Variants in CDH10 observed in about 807,000 individuals in gnomAD.
CDH10 encodes cadherin-10.
Under a neutral mutation model 73.1 loss-of-function variants are expected in CDH10, and 30 were observed. That is an observed-to-expected ratio of 0.41 (90% confidence interval 0.31 to 0.56). The LOEUF (loss-of-function observed/expected upper bound fraction) is 0.56, where lower values mean the gene tolerates loss of function less well. CDH10 is among the 20% of genes least tolerant of loss of function. The probability of loss-of-function intolerance (pLI) is 0.27; values close to 1 mark genes in which losing one functional copy is unlikely to be tolerated. For missense variants in CDH10, 815 were observed against 973.7 expected, an observed-to-expected ratio of 0.84 and a Z score of 2.17; for synonymous variants, 345 against 348.2, an observed-to-expected ratio of 0.99 and a Z score of 0.10.
chr5:24,567,564 G>T (rs1204132123), intron 2 of CDH10, among the ~76,000 whole-genome samples: 1 of 151,648 alleles, frequency 6.6e-6, no homozygotes, highest in East Asian at 1.9e-4. Flanking sequence ...TGCTCCAAAG[G>T]TCCATTTAAA....
chr5:24,557,218 A>G (rs10473696), intron 2 of CDH10, among the ~76,000 whole-genome samples: 66,479 of 151,354 alleles, frequency 0.44, 16,383 homozygotes, highest in African/African-American at 0.68. Context: ...ACTTACTATA[A>G]TTTAGATTAT....
intron 2 of CDH10, among the ~76,000 whole-genome samples, chr5:24,549,507 C>G (rs10942055): frequency 1.3e-5 from 2 of 150,604 alleles, no homozygotes; most frequent in African/African-American, 4.9e-5. Context: ...GGTAATAGTT[C>G]GTGTTTCAGT....
intron 1 of CDH10, among the ~76,000 whole-genome samples, chr5:24,633,055 T>C (rs1747755644): frequency 6.6e-6 from 1 of 151,878 alleles, no homozygotes; most frequent in Non-Finnish European, 1.5e-5. Flanking sequence ...TCCTATGAGC[T>C]ATATACAAAG....
rs1579466529 is a variant in CDH10, at chr5:24,607,953, G to A, written c.-123-14340C>T. Among the ~76,000 whole-genome samples, 6 of 152,042 alleles carry A rather than the reference G, an allele frequency of 3.9e-5. 1 individual carries two copies. The highest frequency in any genetic ancestry group is 3.9e-4 in the Admixed American group (6 of 15,256). ...AGGCCCTCTATTTTTTGTTTAATTT[G>A]ACAGCATCAACCTAGCCATTTTGAC... is the stretch of plus-strand genomic sequence containing the variant. On this transcript the variant is annotated intron_variant, in intron 1 of 11. Coordinates refer to ENST00000264463, the MANE Select transcript of CDH10 (RefSeq NM_006727.5).
chr5:24,498,555 T>A (rs2111686276), intron 8 of CDH10, 36 bp from the exon 9 acceptor site: 1 of 1,519,602 alleles, frequency 6.6e-7, no homozygotes, highest in Middle Eastern at 1.7e-4. Context: ...TTTAGGAAGA[T>A]AAATTGGTGC....
chr5:24,643,542 A>G (rs983736358), intron 1 of CDH10, among the ~76,000 whole-genome samples: 8 of 147,970 alleles, frequency 5.4e-5, no homozygotes, highest in African/African-American at 1.7e-4. Context: ...AAAAAAAAAA[A>G]GAGGAGAAAA....
At chr5:24,512,945 T>G (rs1742973507) in intron 5 of CDH10, among the ~76,000 whole-genome samples, 2 of 152,166 alleles carry the variant, frequency 1.3e-5, no homozygotes, top group Non-Finnish European at 2.9e-5. Flanking sequence ...TTCAAAGTTT[T>G]CTAGGCAAAA....
chr5:24,561,760 T>C (rs1464120425), intron 2 of CDH10, among the ~76,000 whole-genome samples: 1 of 152,186 alleles, frequency 6.6e-6, no homozygotes, highest in Non-Finnish European at 1.5e-5. Flanking sequence ...AGTTCATCTC[T>C]AGGAAATCCT....
intron 5 of CDH10, among the ~76,000 whole-genome samples, chr5:24,524,076 A>G (rs996281268): frequency 1.3e-5 from 2 of 152,164 alleles, no homozygotes; most frequent in Non-Finnish European, 2.9e-5. Context: ...ATATGGCAAC[A>G]TCAGTAATTA....
chr5:24,586,293 T>A (rs887363274), intron 2 of CDH10, among the ~76,000 whole-genome samples: 2 of 152,112 alleles, frequency 1.3e-5, no homozygotes, highest in Admixed American at 1.3e-4. Flanking sequence ...GAATCTGAAA[T>A]TTACATTAAA....
intron 2 of CDH10, among the ~76,000 whole-genome samples, chr5:24,585,435 C>T (rs1295178894): frequency 1.3e-5 from 2 of 152,082 alleles, no homozygotes; most frequent in African/African-American, 4.8e-5. Flanking sequence ...AAAACAACAA[C>T]AACAACAACG....
At chr5:24,495,393 G>A (rs182268986) in intron 9 of CDH10, among the ~76,000 whole-genome samples, 14 of 152,280 alleles carry the variant, frequency 9.2e-5, no homozygotes, top group African/African-American at 2.4e-4. Flanking sequence ...AAATCAACTT[G>A]AGGAATGTTT....
At chr5:24,637,060 T>A (rs1329175533) in intron 1 of CDH10, among the ~76,000 whole-genome samples, 1 of 151,962 alleles carries the variant, frequency 6.6e-6, no homozygotes, top group African/African-American at 2.4e-5. Flanking sequence ...ATAAGTGAGA[T>A]CCTTATATTA....
chr5:24,557,603 C>T (rs2111976087), intron 2 of CDH10, among the ~76,000 whole-genome samples: 1 of 151,446 alleles, frequency 6.6e-6, no homozygotes, highest in African/African-American at 2.4e-5. Flanking sequence ...TTAGTCTTGT[C>T]AAAGGAAAAG....
At chr5:24,501,722 G>A (rs1049082006) in intron 8 of CDH10, among the ~76,000 whole-genome samples, 1 of 152,138 alleles carries the variant, frequency 6.6e-6, no homozygotes, top group Admixed American at 6.5e-5. Flanking sequence ...CTATGAATAA[G>A]AACTACGGTG....
chr5:24,541,606 A>G (rs887475790), intron 2 of CDH10, among the ~76,000 whole-genome samples: 2 of 152,130 alleles, frequency 1.3e-5, no homozygotes, highest in Admixed American at 1.3e-4. Context: ...GATATGACTT[A>G]TATATTGATT....
chr5:24,550,221 G>T (rs2048007), intron 2 of CDH10, among the ~76,000 whole-genome samples: 144,808 of 152,286 alleles, frequency 0.95, 68,945 homozygotes, highest in East Asian at 1. Flanking sequence ...TTCAACCAGT[G>T]TGTGAAAATA....
At chr5:24,531,750 G>A (rs1265129197) in intron 5 of CDH10, among the ~76,000 whole-genome samples, 2 of 152,092 alleles carry the variant, frequency 1.3e-5, no homozygotes, top group African/African-American at 4.8e-5. Flanking sequence ...TTCAAGATGA[G>A]ATTGGGGTGG....
At chr5:24,586,604 G>A (rs1023478697) in intron 2 of CDH10, among the ~76,000 whole-genome samples, 4 of 150,032 alleles carry the variant, frequency 2.7e-5, no homozygotes, top group East Asian at 3.9e-4. Context: ...TACCATGCCC[G>A]GATAATTTTT....
Sources: allele counts gnomAD v4.1 joint callset (sites outside exome capture counted in the v4.1 genomes callset), GRCh38; gene constraint gnomAD v4.1.1; transcripts MANE v1.5; gene names NCBI Gene and HGNC (gene_info 2026-07-23, HGNC 2026-07-21).